MAPK10: variants seen among roughly 807,000 people sequenced by gnomAD.
MAPK10 encodes the protein mitogen-activated protein kinase 10.
In MAPK10, 25 loss-of-function variants were observed where a neutral mutation model predicts 59.3. The observed-to-expected ratio is 0.42, with a 90% CI of 0.31 to 0.59. The LOEUF (loss-of-function observed/expected upper bound fraction) is 0.59. MAPK10 is among the 20% of genes least tolerant of loss of function. The pLI, the probability that MAPK10 is intolerant of heterozygous loss-of-function variation, is 0.15. For missense variants in MAPK10, 351 were observed against 568.9 expected, an observed-to-expected ratio of 0.62 and a Z score of 3.90; for synonymous variants, 190 against 200.5, an observed-to-expected ratio of 0.95 and a Z score of 0.44.
At chr4:86,359,288 C>G (rs112527137) in intron 1 of MAPK10, among the ~76,000 whole-genome samples, 2,257 of 94,540 alleles carry the variant, frequency 0.024, 51 homozygotes, top group African/African-American at 0.059. Flanking sequence ...CTCTCTCTCT[C>G]TGTGTGTGTG....
chr4:86,134,827 C>T (rs146888912), intron 4 of MAPK10, among the ~76,000 whole-genome samples: 2,277 of 152,246 alleles, frequency 0.015, 57 homozygotes, highest in African/African-American at 0.052. Flanking sequence ...AGTGGGTGCA[C>T]GCACCATGCA....
At chr4:86,123,842 T>C (rs796109066) in intron 4 of MAPK10, 40 of 152,216 alleles carry the variant, frequency 2.6e-4, no homozygotes, top group African/African-American at 9.6e-4. Flanking sequence ...GTACCATAAG[T>C]TAAGCAACAG....
chr4:86,404,580 C>T (rs1744131188), intron 1 of MAPK10, among the ~76,000 whole-genome samples: 3 of 151,928 alleles, frequency 2.0e-5, no homozygotes, highest in Admixed American at 6.6e-5. Flanking sequence ...TATTGTGGTC[C>T]CTTTAAATTC....
intron 11 of MAPK10, among the ~76,000 whole-genome samples, chr4:86,043,321 T>C (rs1306117680): frequency 6.6e-6 from 1 of 152,084 alleles, no homozygotes; most frequent in African/African-American, 2.4e-5. Flanking sequence ...CCACAGAAAT[T>C]AACATGCAGG....
intron 2 of MAPK10, among the ~76,000 whole-genome samples, chr4:86,212,169 A>C (rs1305104409): frequency 1.3e-5 from 2 of 151,654 alleles, no homozygotes; most frequent in South Asian, 2.1e-4. Flanking sequence ...TAAAAAAAAA[A>C]CACCATCCAA....
rs2091107110 is a variant in MAPK10, at chr4:86,228,899, A to G, written c.-6-34492T>C. Among the ~76,000 whole-genome samples, 10 of 152,320 alleles carry G rather than the reference A, an allele frequency of 6.6e-5. 2 individuals carry two copies. In the South Asian group the frequency reaches 2.1e-3, roughly 32 times the overall value. ...TGACTATAAAATATAGTTTAAGTTCATATTTCAACTACACTAATTTCATTA... is the reference window on the plus strand; with the variant it reads ...TGACTATAAAATATAGTTTAAGTTCGTATTTCAACTACACTAATTTCATTA... On this transcript the variant is annotated intron_variant, in intron 2 of 13. Transcript: ENST00000641462.
intron 11 of MAPK10, among the ~76,000 whole-genome samples, chr4:86,046,116 C>T (rs868835322): frequency 6.4e-4 from 96 of 150,792 alleles, no homozygotes; most frequent in African/African-American, 2.2e-3. Context: ...GTCTGTTATT[C>T]GTGTATAAGA....
At chr4:86,220,497 C>T (rs1361975096) in intron 2 of MAPK10, among the ~76,000 whole-genome samples, 1 of 152,172 alleles carries the variant, frequency 6.6e-6, no homozygotes, top group African/African-American at 2.4e-5. Flanking sequence ...ATGCCATAAG[C>T]AGCTCTTCCT....
chr4:86,339,450 T>C (rs1285123780), intron 2 of MAPK10, among the ~76,000 whole-genome samples: 1 of 152,226 alleles, frequency 6.6e-6, no homozygotes, highest in African/African-American at 2.4e-5. Context: ...CTAATCTTCA[T>C]TTGAACCAGA....
rs554349091 is a variant in MAPK10, at chr4:86,238,278, G to A, written c.-6-43871C>T. On this transcript the variant is annotated intron_variant, in intron 2 of 13. Coordinates refer to ENST00000641462, the MANE Select transcript of MAPK10 (RefSeq NM_138982.4). ...GTAGTATAGTTTGAAATCAGGTAGC[G>A]TGATGACTCCAGCCTTGTTCTTTTT... Among the ~76,000 whole-genome samples the A allele has an allele frequency of 6.8e-4, 104 of 152,216 alleles. No homozygotes were observed. The South Asian group carries it at 0.011, about 16-fold the overall frequency.
At chr4:86,435,956 C>A (rs1318854729) in intron 1 of MAPK10, among the ~76,000 whole-genome samples, 3 of 152,158 alleles carry the variant, frequency 2.0e-5, no homozygotes, top group Non-Finnish European at 4.4e-5. Context: ...TAACCACAAA[C>A]TTACTGATTA....
intron 2 of MAPK10, among the ~76,000 whole-genome samples, chr4:86,220,506 C>T (rs1196077751): frequency 6.6e-6 from 1 of 152,126 alleles, no homozygotes; most frequent in Non-Finnish European, 1.5e-5. Flanking sequence ...GCAGCTCTTC[C>T]TTAAATTTTA....
At chr4:86,033,670 T>G (rs762859181) in intron 11 of MAPK10, among the ~76,000 whole-genome samples, 3 of 152,216 alleles carry the variant, frequency 2.0e-5, no homozygotes, top group Non-Finnish European at 4.4e-5. Context: ...TCAAGATTTT[T>G]CCTTTCAACA....
At chr4:86,275,774 T>TA (rs1231769563) in intron 2 of MAPK10, among the ~76,000 whole-genome samples, 1 of 152,084 alleles carries the variant, frequency 6.6e-6, no homozygotes, top group African/African-American at 2.4e-5. Context: ...GAGTTTTAGT[T>TA]AAAAAACCAC....
intron 10 of MAPK10, chr4:86,065,180 G>A (rs1438937648): frequency 6.6e-6 from 1 of 151,940 alleles, no homozygotes; most frequent in African/African-American, 2.4e-5. Context: ...CCAAAATGCT[G>A]GGATTAAAGG....
intron 2 of MAPK10, among the ~76,000 whole-genome samples, chr4:86,269,149 G>C (rs947889626): frequency 6.6e-6 from 1 of 152,074 alleles, no homozygotes; most frequent in Non-Finnish European, 1.5e-5. Context: ...GTAAATAAAC[G>C]ATTGCCTGCA....
intron 4 of MAPK10, chr4:86,118,051 T>C (rs2061307869): frequency 6.6e-6 from 1 of 152,210 alleles, no homozygotes; most frequent in African/African-American, 2.4e-5. Context: ...GGCCTTCCTG[T>C]AACTGCAGGC....
At chr4:86,379,242 C>T (rs1740297913) in intron 1 of MAPK10, among the ~76,000 whole-genome samples, 2 of 152,188 alleles carry the variant, frequency 1.3e-5, no homozygotes, top group Non-Finnish European at 2.9e-5. Flanking sequence ...AGGGACGAAA[C>T]GTCCATCTCC....
intron 2 of MAPK10, among the ~76,000 whole-genome samples, chr4:86,293,732 G>A (rs1353970880): frequency 1.3e-5 from 2 of 152,108 alleles, no homozygotes; most frequent in African/African-American, 2.4e-5. Flanking sequence ...CGTTTCACAT[G>A]GCAGGAGTGG....
Sources: allele counts gnomAD v4.1 joint callset (sites outside exome capture counted in the v4.1 genomes callset), GRCh38; gene constraint gnomAD v4.1.1; transcripts MANE v1.5; gene names NCBI Gene and HGNC (gene_info 2026-07-23, HGNC 2026-07-21).